Variants in SEC14L1 observed in about 807,000 individuals in gnomAD.
The protein encoded by SEC14L1 is SEC14 like lipid binding 1.
Under a neutral mutation model 85.3 loss-of-function variants are expected in SEC14L1, and 48 were observed. That is an observed-to-expected ratio of 0.56 (90% confidence interval 0.45 to 0.72). The LOEUF (loss-of-function observed/expected upper bound fraction) is 0.72, where lower values mean the gene tolerates loss of function less well. Among genes scored for constraint, SEC14L1 ranks in the 30% least tolerant of loss-of-function variants. SEC14L1 has a pLI of 0.00. For synonymous variants in SEC14L1, 391 were observed against 355.5 expected, an observed-to-expected ratio of 1.10 and a Z score of -1.12; for missense variants, 682 against 921.4, an observed-to-expected ratio of 0.74 and a Z score of 3.36.
upstream of SEC14L1, among the ~76,000 whole-genome samples, chr17:77,139,577 A>G (rs1972908890): frequency 6.8e-6 from 1 of 147,550 alleles, no homozygotes; most frequent in Admixed American, 6.8e-5. Flanking sequence ...GGCTCACTGC[A>G]AGCTCTGCCT....
chr17:77,144,347 TG>T (rs1973182769), intron 3 of SEC14L1, among the ~76,000 whole-genome samples: 1 of 152,200 alleles, frequency 6.6e-6, no homozygotes, highest in African/African-American at 2.4e-5. Context: ...TCAGCACACC[TG>T]GGATACTGGC....
chr17:77,119,307 C>CA (rs11356968), intron 3 of SEC14L1, among the ~76,000 whole-genome samples: 1,058 of 103,978 alleles, frequency 0.01, 5 homozygotes, highest in African/African-American at 0.024. Context: ...GACTCCATCC[C>CA]AAAAAAAAAA....
chr17:77,147,804 A>G (rs1171951051), intron 3 of SEC14L1, among the ~76,000 whole-genome samples: 1 of 152,174 alleles, frequency 6.6e-6, no homozygotes, highest in Non-Finnish European at 1.5e-5. Flanking sequence ...TGTTTTGACA[A>G]AGGTGTGGGG....
intron 3 of SEC14L1, among the ~76,000 whole-genome samples, chr17:77,129,110 C>T (rs751109583): frequency 3.3e-5 from 5 of 151,946 alleles, no homozygotes; most frequent in South Asian, 2.1e-4. Context: ...GTAGGCGGGA[C>T]GATAATAATA....
intron 3 of SEC14L1, among the ~76,000 whole-genome samples, chr17:77,108,095 C>T (rs1342202688): frequency 1.3e-5 from 2 of 151,362 alleles, no homozygotes; most frequent in African/African-American, 2.4e-5. Flanking sequence ...CCCCCCCATA[C>T]CATGCGCACG....
intron 5 of SEC14L1, among the ~76,000 whole-genome samples, 183 bp downstream of exon 5, chr17:77,191,495 T>C (rs1290873251): frequency 6.6e-6 from 1 of 152,206 alleles, no homozygotes; most frequent in African/African-American, 2.4e-5. Context: ...GAGTGTATTA[T>C]GTTGTCGTGG....
At chr17:77,119,852 G>A (rs757524138) in intron 3 of SEC14L1, among the ~76,000 whole-genome samples, 21 of 152,120 alleles carry the variant, frequency 1.4e-4, no homozygotes, top group Non-Finnish European at 2.5e-4. Context: ...TAGAACCTTC[G>A]CAAATACATT....
chr17:77,101,803 G>C (rs1971784540), intron 3 of SEC14L1, among the ~76,000 whole-genome samples: 1 of 152,194 alleles, frequency 6.6e-6, no homozygotes. Context: ...ACATCATCCT[G>C]ACTATTGGTG....
At position 77,142,271 on chromosome 17, in the gene SEC14L1, A is replaced by G. The variant is rs377439562; in HGVS notation, c.-135-375A>G. ...AAAGTTCCAAACCTGTTTAAACCTT[A>G]GTACTATAGATGGGAATTCTATACC... On this transcript the variant is annotated intron_variant, in intron 1 of 16. Transcript: ENST00000436233. 5.9e-5 allele frequency among the ~76,000 whole-genome samples: 9 copies of G among 152,278 alleles called. No individual in the cohort carries two copies. In the East Asian group the frequency reaches 1.2e-3, roughly 20 times the overall value.
chr17:77,178,614 G>A (rs1033357768), intron 3 of SEC14L1, among the ~76,000 whole-genome samples: 16 of 152,142 alleles, frequency 1.1e-4, no homozygotes, highest in Non-Finnish European at 8.8e-5. Context: ...GGATGGTTTC[G>A]GGACGAAACT....
chr17:77,112,873 A>T lies in SEC14L1; in HGVS notation c.-136+19526A>T, dbSNP rs529887304. Reference sequence around the variant, plus strand: ...TGGGCGACAGAGCGAGACTCAAAAAAAAAAAAGAGTACTTAGGCATAATGG... The same window carrying T: ...TGGGCGACAGAGCGAGACTCAAAAATAAAAAAGAGTACTTAGGCATAATGG... On this transcript the variant is annotated intron_variant, in intron 3 of 19. Transcript: ENST00000392476. 1.3e-3 allele frequency among the ~76,000 whole-genome samples: 205 copies of T among 151,970 alleles called. 1 individual carries two copies. The highest frequency in any genetic ancestry group is 0.013 in the South Asian group (62 of 4,818).
intron 3 of SEC14L1, among the ~76,000 whole-genome samples, chr17:77,156,659 G>A (rs1973830526): frequency 6.6e-6 from 1 of 150,844 alleles, no homozygotes; most frequent in Non-Finnish European, 1.5e-5. Context: ...TTCTCTGTCA[G>A]TGAAATTTTG....
At chr17:77,122,714 T>C (rs925167944) in intron 3 of SEC14L1, among the ~76,000 whole-genome samples, 3 of 152,230 alleles carry the variant, frequency 2.0e-5, no homozygotes, top group African/African-American at 7.2e-5. Flanking sequence ...CCCTGGGTTG[T>C]GCCATGAGGA....
At chr17:77,187,592 G>A (rs1975326867) in intron 3 of SEC14L1, among the ~76,000 whole-genome samples, 1 of 152,080 alleles carries the variant, frequency 6.6e-6, no homozygotes, top group East Asian at 1.9e-4. Context: ...TGGTCAGGAT[G>A]GTCTCAAACT....
chr17:77,128,254 C>G (rs1260617460), intron 3 of SEC14L1, among the ~76,000 whole-genome samples: 2 of 152,098 alleles, frequency 1.3e-5, no homozygotes, highest in East Asian at 1.9e-4. Flanking sequence ...GTTCTCCCCG[C>G]TAATGTCTAG....
chr17:77,196,607 T>C (rs955339890), intron 8 of SEC14L1, among the ~76,000 whole-genome samples: 1 of 152,306 alleles, frequency 6.6e-6, no homozygotes. Context: ...TTTCAGAAGG[T>C]GTAAAAAGAG....
At chr17:77,196,490 T>C (rs189228033) in intron 8 of SEC14L1, among the ~76,000 whole-genome samples, 179 bp downstream of exon 8, 1 of 152,364 alleles carries the variant, frequency 6.6e-6, no homozygotes, top group Non-Finnish European at 1.5e-5. Context: ...TAGCAAGTGA[T>C]AATGCATGAC....
At chr17:77,185,780 G>C (rs1975239277) in intron 3 of SEC14L1, among the ~76,000 whole-genome samples, 1 of 152,058 alleles carries the variant, frequency 6.6e-6, no homozygotes. Context: ...TAGCCAACCT[G>C]TTTTCCTAGG....
upstream of SEC14L1, among the ~76,000 whole-genome samples, chr17:77,139,588 C>A (rs141070675): frequency 0.011 from 1,635 of 151,142 alleles, 38 homozygotes; most frequent in Admixed American, 0.039. Context: ...AGCTCTGCCT[C>A]CAGGGTTCAC....
Sources: allele counts gnomAD v4.1 joint callset (sites outside exome capture counted in the v4.1 genomes callset), GRCh38; gene constraint gnomAD v4.1.1; transcripts MANE v1.5; gene names NCBI Gene and HGNC (gene_info 2026-07-23, HGNC 2026-07-21).